Variants in NR4A3 observed in about 807,000 individuals in gnomAD.
The protein encoded by NR4A3 is nuclear receptor subfamily 4 group A member 3.
A neutral mutation model predicts 55.6 loss-of-function variants in NR4A3; 13 were observed. The observed-to-expected ratio is 0.23, with a 90% CI of 0.15 to 0.37. The LOEUF (loss-of-function observed/expected upper bound fraction) is 0.37. Among genes scored for constraint, NR4A3 ranks in the 10% least tolerant of loss-of-function variants. The pLI is 1.00. For synonymous variants in NR4A3, 342 were observed against 357.9 expected (o/e 0.96, Z 0.50); for missense variants, 646 against 822.8 (o/e 0.79, Z 2.63).
chr9:99,849,605 G>A (rs1158344576), intron 7 of NR4A3, among the ~76,000 whole-genome samples: 2 of 152,106 alleles, frequency 1.3e-5, no homozygotes, highest in South Asian at 2.1e-4. Context: ...CAATTCCTAC[G>A]TCAGTTAAAC....
intron 5 of NR4A3, among the ~76,000 whole-genome samples, chr9:99,842,108 A>ATTTTTTTTTT (rs10626492): frequency 9.5e-5 from 13 of 136,134 alleles, no homozygotes; most frequent in African/African-American, 2.7e-4. Flanking sequence ...GGACTCTCTG[A>ATTTTTTTTTT]TTTTTTTTTT....
chr9:99,832,895 T>C lies in NR4A3; in HGVS notation c.1081+77T>C, dbSNP rs1325495821. Reference sequence around the variant, plus strand: ...CAGTGAAAAAAAGCTAATATTTACATTGGGATGGTGAATTTTTCTAGTTCC... The same window carrying C: ...CAGTGAAAAAAAGCTAATATTTACACTGGGATGGTGAATTTTTCTAGTTCC... On this transcript the variant is annotated intron_variant, in intron 4 of 7. Transcript: ENST00000395097. The C allele has an allele frequency of 6.2e-6, 8 of 1,290,000 alleles. 1 individual carries two copies. The East Asian group carries it at 2.0e-4, about 33-fold the overall frequency. The allele number at this position is 1,290,000 out of a possible 1,614,324, so 79.9% of individuals were successfully genotyped here.
intron 7 of NR4A3, among the ~76,000 whole-genome samples, chr9:99,856,511 A>C (rs1467065244): frequency 6.6e-6 from 1 of 152,170 alleles, no homozygotes; most frequent in Non-Finnish European, 1.5e-5. Context: ...CAGGCCATGG[A>C]CCAATACCAA....
Position 99,828,600 on chromosome 9 carries a change from G to A in NR4A3, c.558G>A (p.Ala186=), listed in dbSNP as rs772261289. ...PMKAVPTVAG[A]RFPLFHFKPS... ...AGGCGGTCCCCACGGTGGCCGGCGCGCGCTTCCCGCTCTTCCACTTCAAGC... is the reference window on the plus strand; with the variant it reads ...AGGCGGTCCCCACGGTGGCCGGCGCACGCTTCCCGCTCTTCCACTTCAAGC... Residue 186 remains alanine, a synonymous_variant, in exon 3 of 8, where the codon GCG becomes GCA. Coordinates refer to ENST00000395097, the MANE Select transcript of NR4A3 (RefSeq NM_006981.4). This position sits in a 1 kb window ranked among gnomAD's most constrained non-coding sequence, Gnocchi z 7.7. The A allele has an allele frequency of 1.1e-5, 17 of 1,543,394 alleles. No individual in the cohort carries two copies. Among genetic ancestry groups the A allele is most frequent in the East Asian group, 5.0e-5 (2 of 39,654 alleles).
At chr9:99,830,381 T>A (rs1587874210) in intron 3 of NR4A3, among the ~76,000 whole-genome samples, 1 of 152,232 alleles carries the variant, frequency 6.6e-6, no homozygotes, top group East Asian at 1.9e-4. Flanking sequence ...ATGAAAGTGC[T>A]TTATAATCTT....
chr9:99,836,407 C>A (rs957052695), intron 5 of NR4A3, among the ~76,000 whole-genome samples: 11 of 152,200 alleles, frequency 7.2e-5, no homozygotes, highest in Non-Finnish European at 1.5e-4. Context: ...ACATTACCTT[C>A]AGCTGCAGTA....
In NR4A3 at chr9:99,845,352, C is replaced by A. The variant is rs183690217; in HGVS notation, c.1454+504C>A. Among the ~76,000 whole-genome samples, 297 of 152,256 alleles carry A rather than the reference C, an allele frequency of 2.0e-3. 1 individual carries two copies. Among genetic ancestry groups the A allele is most frequent in the African/African-American group, 6.7e-3 (277 of 41,558 alleles). The stretch of plus-strand genomic sequence containing the variant: ...CCCAGTTTTATTCCAAGAGAACACT[C>A]TTAGATAGAAAGATTTAGTCCATCC... On this transcript the variant is annotated intron_variant, in intron 6 of 7. Transcript: ENST00000395097.
At chr9:99,847,399 C>A (rs555001229) in intron 6 of NR4A3, 38 bp from the exon 7 acceptor site, 4 of 1,591,308 alleles carry the variant, frequency 2.5e-6, no homozygotes, top group Non-Finnish European at 3.4e-6. Context: ...ACAGATTGAA[C>A]AGACCTGTTT....
intron 2 of NR4A3, 145 bp from the exon 3 acceptor site, chr9:99,827,896 C>T (rs1025457660): frequency 2.1e-5 from 22 of 1,038,508 alleles, no homozygotes; most frequent in Non-Finnish European, 2.1e-5. Context: ...AAGTGTGGGG[C>T]TTTGTGTCTA....
chr9:99,862,414 ACACAC>A (rs1295072996), intron 7 of NR4A3, among the ~76,000 whole-genome samples: 1 of 151,652 alleles, frequency 6.6e-6, no homozygotes, highest in Admixed American at 6.6e-5. Context: ...GCATGGTGGT[ACACAC>A]CTGTAGTCTC....
rs1827189182 is a variant in NR4A3, at chr9:99,822,076, T to C, written c.-508T>C. ...CTCACACCCCTCTTGCCCTGAGCCC[T>C]TGCCGGTGCAGCGCGGCGCCGCAGC... On this transcript the variant is annotated 5_prime_UTR_variant, in exon 1 of 8. Coordinates refer to ENST00000395097, the MANE Select transcript of NR4A3 (RefSeq NM_006981.4). The surrounding 1 kb of genome is among the most constrained non-coding windows in gnomAD (Gnocchi z 4.9). 1 of 152,432 alleles carries C rather than the reference T, an allele frequency of 6.6e-6. No individual in the cohort carries two copies. The highest frequency in any genetic ancestry group is 1.9e-4 in the East Asian group (1 of 5,176). 9.4% of individuals were successfully genotyped at this position (152,432 alleles called of 1,614,324 possible).
intron 2 of NR4A3, among the ~76,000 whole-genome samples, chr9:99,827,251 T>A (rs530449819): frequency 1.4e-5 from 2 of 140,164 alleles, no homozygotes; most frequent in African/African-American, 5.4e-5. Flanking sequence ...AGAATTGGGA[T>A]ATATATATGT....
At position 99,828,617 on chromosome 9, in the gene NR4A3, A is replaced by G. The variant is rs1237315684; in HGVS notation, c.575A>G (p.His192Arg). 1 of 1,501,960 alleles carries G rather than the reference A, an allele frequency of 6.7e-7. No homozygotes were observed. The highest frequency in any genetic ancestry group is 1.5e-5 in the African/African-American group (1 of 68,608). 93.0% of individuals were successfully genotyped at this position (1,501,960 alleles called of 1,614,324 possible). The change falls in exon 3 of 8, where the codon CAC becomes CGC. Residue 192 changes from histidine to arginine, a missense_variant. Transcript: ENST00000395097. The surrounding 1 kb of genome is among the most constrained non-coding windows in gnomAD (Gnocchi z 7.7). The stretch of plus-strand genomic sequence containing the variant: ...GCCGGCGCGCGCTTCCCGCTCTTCC[A>G]CTTCAAGCCCTCGCCGCCGCATCCC... ...TVAGARFPLF[H>R]FKPSPPHPPA...
intron 5 of NR4A3, among the ~76,000 whole-genome samples, chr9:99,841,471 A>C (rs1379200718): frequency 6.6e-6 from 1 of 152,196 alleles, no homozygotes; most frequent in African/African-American, 2.4e-5. Flanking sequence ...TTTCTACTTC[A>C]ACCCATTCCA....
intron 6 of NR4A3, among the ~76,000 whole-genome samples, chr9:99,847,133 G>A (rs1412280220): frequency 2.6e-5 from 4 of 152,174 alleles, no homozygotes; most frequent in African/African-American, 9.7e-5. Context: ...ATGAGTGCCT[G>A]CTCCCCCATT....
intron 7 of NR4A3, among the ~76,000 whole-genome samples, chr9:99,857,308 A>G (rs572449447): frequency 6.6e-6 from 1 of 152,282 alleles, no homozygotes; most frequent in East Asian, 1.9e-4. Flanking sequence ...AGGGGAAGGT[A>G]ATGGCTTGAG....
intron 3 of NR4A3, among the ~76,000 whole-genome samples, chr9:99,830,931 T>A (rs1827427235): frequency 6.6e-6 from 1 of 152,172 alleles, no homozygotes; most frequent in Admixed American, 6.5e-5. Context: ...TTCTCTTTTC[T>A]GCAGCAATCC....
chr9:99,849,481 A>C (rs923252285), intron 7 of NR4A3, among the ~76,000 whole-genome samples: 1 of 152,170 alleles, frequency 6.6e-6, no homozygotes. Flanking sequence ...GGAGCATCTG[A>C]AGAAAATAAA....
Position 99,865,890 on chromosome 9 carries a change from C to G in NR4A3, c.*2023C>G, listed in dbSNP as rs1828089096. On this transcript the variant is annotated 3_prime_UTR_variant, in exon 8 of 8. Coordinates refer to ENST00000395097, the MANE Select transcript of NR4A3 (RefSeq NM_006981.4). The surrounding 1 kb of genome is among the most constrained non-coding windows in gnomAD (Gnocchi z 4.3). ...TTTGAAATGTTAGACTTGGAAGGGG[C>G]CTGGTCTGTCAACTAGTCCAACCCC... The G allele has an allele frequency of 9.2e-6, 2 of 217,038 alleles. No homozygotes were observed. Among genetic ancestry groups the G allele is most frequent in the Admixed American group, 1.2e-4 (2 of 17,162 alleles). The allele number at this position is 217,038 out of a possible 1,614,324, so 13.4% of individuals were successfully genotyped here. A position where few individuals can be genotyped will look rare whatever the true frequency, so the allele number is the denominator to read the frequency against.
Sources: allele counts gnomAD v4.1 joint callset (sites outside exome capture counted in the v4.1 genomes callset), GRCh38; gene constraint gnomAD v4.1.1; non-coding constraint Gnocchi (gnomAD v3.1); transcripts MANE v1.5; gene names NCBI Gene and HGNC (gene_info 2026-07-23, HGNC 2026-07-21).